METTL17: variants seen among roughly 807,000 people sequenced by gnomAD.
The protein encoded by METTL17 is methyltransferase like 17, also known as ribosome assembly protein METTL17, mitochondrial.
In METTL17, 49 loss-of-function variants were observed where a neutral mutation model predicts 59.4. That is an observed-to-expected ratio of 0.82 (90% CI 0.66 to 1.05). The LOEUF (loss-of-function observed/expected upper bound fraction) is 1.05. METTL17 is among the 50% of genes least tolerant of loss of function. The pLI, the probability that METTL17 is intolerant of heterozygous loss-of-function variation, is 0.00. For missense variants in METTL17, 555 were observed against 578.4 expected, an observed-to-expected ratio of 0.96 and a Z score of 0.41; for synonymous variants, 208 against 209.2, an observed-to-expected ratio of 0.99 and a Z score of 0.05.
rs1420677715 is a variant in METTL17, at chr14:20,990,344, C to T, written c.190C>T (p.Pro64Ser). The T allele has an allele frequency of 6.2e-7, 1 of 1,614,246 alleles. No homozygotes were observed. The highest frequency in any genetic ancestry group is 8.5e-7 in the Non-Finnish European group (1 of 1,180,040). The change falls in exon 2 of 14, where the codon CCA becomes TCA. Residue 64 changes from proline to serine, a missense_variant. Coordinates refer to ENST00000339374, the MANE Select transcript of METTL17 (RefSeq NM_022734.3). ...CCTAAAGCTGCCGCACGTGCGGCTG[C>T]CACAGGCACTGGCTAACGGTGCCCA... ...GILKLPHVRL[P>S]QALANGAQLL...
At chr14:20,990,647 A>G (rs1594339026) in intron 3 of METTL17, 49 bp downstream of exon 3, 1 of 1,603,256 alleles carries the variant, frequency 6.2e-7, no homozygotes, top group East Asian at 2.2e-5. Context: ...AATATCGGTT[A>G]GAAATGAAGA....
intron 9 of METTL17, 34 bp downstream of exon 9, chr14:20,994,935 G>C: frequency 6.6e-7 from 1 of 1,526,360 alleles, no homozygotes; most frequent in Non-Finnish European, 9.0e-7. Context: ...CTTAAGTCTT[G>C]AAGCAGCTTC....
chr14:20,995,887 TC>T lies in METTL17; in HGVS notation c.946-12del, dbSNP rs368484581. On this transcript the variant is annotated splice_polypyrimidine_tract_variant and intron_variant, in intron 10 of 13. Coordinates refer to ENST00000339374, the MANE Select transcript of METTL17 (RefSeq NM_022734.3). Reference sequence around the variant, plus strand: ...TTGGCCCAGCTTTATTTCTTTTATTTCCTTTGATTTCAGGGAAAAGAGAAGT... The same window carrying T: ...TTGGCCCAGCTTTATTTCTTTTATTTCTTTGATTTCAGGGAAAAGAGAAGT... The T allele has an allele frequency of 5.5e-5, 89 of 1,613,444 alleles. No individual in the cohort carries two copies. The African/African-American group carries it at 8.9e-4, about 16-fold the overall frequency.
Position 20,992,175 on chromosome 14 carries a change from G to A in METTL17, c.416G>A (p.Arg139His), listed in dbSNP as rs1420642568. 8 of 1,610,286 alleles carry A rather than the reference G, an allele frequency of 5.0e-6. No homozygotes were observed. The highest frequency in any genetic ancestry group is 6.8e-6 in the Non-Finnish European group (8 of 1,178,912). ...CGTGGAGCAGTGCTACACGCACTAC[G>A]TAAAACTACCTACCATTGGCAAGAA... ...KLRGAVLHAL[R>H]KTTYHWQELS... is the part of the protein sequence containing the mutation. Residue 139 changes from arginine to histidine, a missense_variant, in exon 4 of 14, where the codon CGT becomes CAT. Arg to His is a conservative substitution (Grantham distance 29). Coordinates refer to ENST00000339374, the MANE Select transcript of METTL17 (RefSeq NM_022734.3).
intron 12 of METTL17, 40 bp downstream of exon 12, chr14:20,996,332 T>A (rs1330138556): frequency 1.3e-6 from 2 of 1,586,314 alleles, no homozygotes; most frequent in South Asian, 2.2e-5. Context: ...GCAAACATCC[T>A]GGAAAAACAG....
rs568793423 is a variant in METTL17, at chr14:20,996,399, C to G, written c.1080+107C>G. On this transcript the variant is annotated intron_variant, in intron 12 of 13. Transcript: ENST00000339374. ...GATAATTTGTAGAATAGCCTGGAGA[C>G]TTTAGGGCCTACATGTATATGATTT... 108 of 1,471,840 alleles carry G rather than the reference C, an allele frequency of 7.3e-5. No homozygotes were observed. In the African/African-American group the frequency reaches 1.1e-3, roughly 15 times the overall value. 91.2% of individuals were successfully genotyped at this position (1,471,840 alleles called of 1,614,324 possible).
chr14:20,990,183 A>G (rs1879951366), intron 1 of METTL17, 47 bp from the exon 2 acceptor site: 1 of 1,613,080 alleles, frequency 6.2e-7, no homozygotes, highest in Non-Finnish European at 8.5e-7. Flanking sequence ...GATTGCCAGC[A>G]ACTTTCCTTT....
chr14:20,990,032 A>G lies in METTL17; in HGVS notation c.30A>G (p.Thr10=), dbSNP rs756450253. The part of the protein sequence containing the change: MAAALKCLL[T]LGRWCPGLGV... ...CGGCGGCACTGAAGTGTCTACTGAC[A>G]TTAGGAAGATGGTGCCCCGGCCTTG... Residue 10 remains threonine (T), a synonymous_variant, in exon 1 of 14, where the codon ACA becomes ACG. Coordinates refer to ENST00000339374, the MANE Select transcript of METTL17 (RefSeq NM_022734.3). 13 of 1,612,830 alleles carry G rather than the reference A, an allele frequency of 8.1e-6. No individual in the cohort carries two copies. In the Admixed American group the frequency reaches 1.7e-4, roughly 21 times the overall value.
chr14:20,996,060 A>C, intron 11 of METTL17, 109 bp downstream of exon 11: 1 of 1,342,746 alleles, frequency 7.4e-7, no homozygotes, highest in Non-Finnish European at 1.1e-6. Context: ...GTTCCTATCC[A>C]GTTCCTACCT....
chr14:20,996,791 G>A lies in METTL17; in HGVS notation c.1272G>A (p.Leu424=). 1 of 1,614,214 alleles carries A rather than the reference G, an allele frequency of 6.2e-7. No homozygotes were observed. The highest frequency in any genetic ancestry group is 8.5e-7 in the Non-Finnish European group (1 of 1,180,040). Residue 424 remains leucine (L), a synonymous_variant, in exon 14 of 14, where the codon TTG becomes TTA. Transcript: ENST00000339374. The part of the protein sequence containing the change: ...VLTARRHGRD[L]YRCARVSSWG... ...CCAGCATCTGTTTCCACAGGGATTT[G>A]TATCGTTGTGCCCGTGTCAGCTCCT...
chr14:20,991,536 A>AATT (rs61205850), intron 3 of METTL17, among the ~76,000 whole-genome samples: 7 of 150,180 alleles, frequency 4.7e-5, no homozygotes, highest in Non-Finnish European at 5.9e-5. Context: ...TTTAAAAAAA[A>AATT]TTTTTTTTTT....
Position 20,996,367 on chromosome 14 carries a change from G to A in METTL17, c.1080+75G>A, listed in dbSNP as rs1880375528. 3.9e-6 allele frequency: 6 copies of A among 1,536,426 alleles called. No homozygotes were observed. The South Asian group carries it at 6.8e-5, about 17-fold the overall frequency. On this transcript the variant is annotated intron_variant, in intron 12 of 13. Coordinates refer to ENST00000339374, the MANE Select transcript of METTL17 (RefSeq NM_022734.3). ...GGAAGAAAAAGAATCAGAGTTAGGA[G>A]GAGTTGGATAATTTGTAGAATAGCC...
Position 20,992,129 on chromosome 14 carries a change from T to C in METTL17, c.370T>C (p.Ser124Pro), listed in dbSNP as rs532998759. 6.8e-6 allele frequency: 11 copies of C among 1,613,354 alleles called. No individual in the cohort carries two copies. The highest frequency in any genetic ancestry group is 6.7e-5 in the Admixed American group (4 of 59,838). Residue 124 changes from serine to proline, a missense_variant, in exon 4 of 14, where the codon TCT (serine) becomes CCT (proline). Coordinates refer to ENST00000339374, the MANE Select transcript of METTL17 (RefSeq NM_022734.3). ...AGTCCTTGTTCTCACCACAGACTTA[T>C]CTCAGACAGAGGAGAAACTTCGTGG... is the stretch of plus-strand genomic sequence containing the variant. ...EKKFLENPDL[S>P]QTEEKLRGAV...
chr14:20,995,685 A>C (rs568630161), intron 10 of METTL17, among the ~76,000 whole-genome samples: 2 of 152,190 alleles, frequency 1.3e-5, no homozygotes, highest in African/African-American at 4.8e-5. Context: ...AAGGGAGAGC[A>C]CCGTACTATG....
Position 20,995,219 on chromosome 14 carries a change from G to A in METTL17, c.931G>A (p.Asp311Asn), listed in dbSNP as rs754630753. The A allele has an allele frequency of 1.2e-6, 2 of 1,614,126 alleles. No individual in the cohort carries two copies. Among genetic ancestry groups the A allele is most frequent in the Non-Finnish European group, 1.7e-6 (2 of 1,179,984 alleles). ...GCACAGCCTTCTCATGGATGCCAGGGATCTGGTCCTTAAGGTAAGGCTTCT... is the reference window on the plus strand; with the variant it reads ...GCACAGCCTTCTCATGGATGCCAGGAATCTGGTCCTTAAGGTAAGGCTTCT... ...AGHSLLMDARDLVLKGKEKSP... is the reference protein window; with the variant it reads ...AGHSLLMDARNLVLKGKEKSP... The change falls in exon 10 of 14, where the codon GAT (aspartate) becomes AAT (asparagine). Residue 311 changes from aspartate (D) to asparagine (N), a missense_variant. Transcript: ENST00000339374.
intron 8 of METTL17, 47 bp from the exon 9 acceptor site, chr14:20,994,747 G>C (rs1203829240): frequency 1.3e-6 from 2 of 1,547,068 alleles, no homozygotes; most frequent in South Asian, 1.1e-5. Flanking sequence ...TGTATTCTTG[G>C]GATGTAGAGA....
In METTL17 at chr14:20,994,063, G is replaced by T; in HGVS notation, c.697G>T (p.Gly233Cys). 1.2e-6 allele frequency: 2 copies of T among 1,612,716 alleles called. No individual in the cohort carries two copies. The highest frequency in any genetic ancestry group is 1.7e-6 in the Non-Finnish European group (2 of 1,178,854). Reference protein sequence around the residue: ...MLVLAEKLLKGGSESGEPYIP... With the variant: ...MLVLAEKLLKCGSESGEPYIP... ...GGTTTTGGCAGAAAAACTACTGAAA[G>T]GTGAGTGCAAGAGCACTTCCAAAGT... Residue 233 changes from glycine (G) to cysteine (C), a missense_variant and splice_region_variant, in exon 7 of 14, where the codon GGT becomes TGT. Gly to Cys is a radical substitution (Grantham distance 159). Coordinates refer to ENST00000339374, the MANE Select transcript of METTL17 (RefSeq NM_022734.3).
In METTL17 at chr14:20,993,190, T is replaced by A. The variant is rs1157687148; in HGVS notation, c.601T>A (p.Trp201Arg). The A allele has an allele frequency of 6.2e-7, 1 of 1,613,890 alleles. No homozygotes were observed. Among genetic ancestry groups the A allele is most frequent in the Non-Finnish European group, 8.5e-7 (1 of 1,179,880 alleles). The change falls in exon 6 of 14, where the codon TGG (tryptophan) becomes AGG (arginine). Residue 201 changes from tryptophan (W) to arginine (R), a missense_variant and splice_region_variant. Coordinates refer to ENST00000339374, the MANE Select transcript of METTL17 (RefSeq NM_022734.3). Reference protein sequence around the residue: ...DFGSGTGSVTWAAHSIWGQSL... With the variant: ...DFGSGTGSVTRAAHSIWGQSL... ...TGGCTCAGGTACTGGTTCTGTCACC[T>A]GGTGAGTAACTTTCTTCAGCCCTAT...
intron 3 of METTL17, 79 bp from the exon 4 acceptor site, chr14:20,992,045 G>A (rs1035889200): frequency 1.6e-6 from 2 of 1,287,570 alleles, no homozygotes; most frequent in Non-Finnish European, 2.2e-6. Flanking sequence ...GGGAGGACTG[G>A]GTGGGCAGTA....
Sources: allele counts gnomAD v4.1 joint callset (sites outside exome capture counted in the v4.1 genomes callset), GRCh38; gene constraint gnomAD v4.1.1; transcripts MANE v1.5; gene names NCBI Gene and HGNC (gene_info 2026-07-23, HGNC 2026-07-21).